EPG5: variants seen among roughly 807,000 people sequenced by gnomAD.
The protein encoded by EPG5 is ectopic P granules protein 5 homolog.
In EPG5, 159 loss-of-function variants were observed where a neutral mutation model predicts 302.7. The observed-to-expected ratio is 0.53, with a 90% CI of 0.46 to 0.60. EPG5 has a LOEUF of 0.60. Ranked by LOEUF, EPG5 falls within the 20% of genes least tolerant of loss-of-function variation. The pLI is 0.00. For missense variants in EPG5, 2,896 were observed against 3,092.4 expected (o/e 0.94, Z 1.51); for synonymous variants, 1,158 against 1,136.8 (o/e 1.02, Z -0.37).
chr18:45,946,603 C>T, intron 7 of EPG5, 60 bp downstream of exon 7: 1 of 1,276,740 alleles, frequency 7.8e-7, no homozygotes, highest in South Asian at 1.2e-5. Context: ...TAGAACAATA[C>T]TTGGTGCATA....
At chr18:45,857,798 G>A (rs1339007334) in intron 42 of EPG5, 55 bp downstream of exon 42, 36 of 1,440,760 alleles carry the variant, frequency 2.5e-5, no homozygotes, top group Non-Finnish European at 3.5e-5. Flanking sequence ...CTGTAAGTAG[G>A]TACAGATGTC....
chr18:45,811,926 G>T, the EPG5 span, among the ~76,000 whole-genome samples: 1 of 152,072 alleles, frequency 6.6e-6, no homozygotes, highest in South Asian at 2.1e-4. Flanking sequence ...GGGCAATCAG[G>T]CAGGAGAAAG....
chr18:45,922,281 T>A, intron 16 of EPG5, 60 bp downstream of exon 16: 2 of 1,571,680 alleles, frequency 1.3e-6, no homozygotes, highest in Non-Finnish European at 1.7e-6. Flanking sequence ...ATATGAAACA[T>A]AAAATTCTAG....
rs72918350 is a variant in EPG5 at position 45,916,543 on chromosome 18, G to A, written c.3279C>T (p.Ser1093=). The A allele has an allele frequency of 0.012, 19,434 of 1,610,766 alleles. 147 individuals carry two copies. The highest frequency in any genetic ancestry group is 0.014 in the Non-Finnish European group (16,877 of 1,177,226). Residue 1093 remains serine (S), a synonymous_variant, in exon 18 of 44, where the codon AGC becomes AGT. Coordinates refer to ENST00000282041, the MANE Select transcript of EPG5 (RefSeq NM_020964.3). ...SHLLLFLHLD[S]GVPQGVTQQV... ...GTTGTGTGACACCCTGAGGGACACC[G>A]CTGTCCAAGTGTAGGAACAAGAGGA...
Position 45,882,401 on chromosome 18 carries a change from A to C in EPG5, c.5391T>G (p.Thr1797=), listed in dbSNP as rs781348135. 6.2e-7 allele frequency: 1 copy of C among 1,614,258 alleles called. No homozygotes were observed. The highest frequency in any genetic ancestry group is 1.1e-5 in the South Asian group (1 of 91,090). ...RLLESIHLAL[T]AWGLEPDEDI... ...CCTCATCTGGTTCAAGGCCCCAGGCAGTAAGTGCCAAGTGAATGGACTCCA... is the reference window on the plus strand; with the variant it reads ...CCTCATCTGGTTCAAGGCCCCAGGCCGTAAGTGCCAAGTGAATGGACTCCA... The change falls in exon 31 of 44, where the codon ACT becomes ACG. Residue 1797 remains threonine, a synonymous_variant. Transcript: ENST00000282041.
rs763351795 is a variant in EPG5 at position 45,889,825 on chromosome 18, G to C, written c.4925C>G (p.Ala1642Gly). 6.2e-7 allele frequency: 1 copy of C among 1,608,632 alleles called. No homozygotes were observed. The highest frequency in any genetic ancestry group is 8.5e-7 in the Non-Finnish European group (1 of 1,178,086). The change falls in exon 28 of 44, where the codon GCT becomes GGT. Residue 1642 changes from alanine (A) to glycine (G), a missense_variant. Around this residue, in one of 5 missense-constraint regions of EPG5, gnomAD observed 790 missense variants for 798.0 expected, o/e 0.99. Coordinates refer to ENST00000282041, the MANE Select transcript of EPG5 (RefSeq NM_020964.3). ...AKPPSLNIVE[A>G]AVHAENLITA... Reference sequence around the variant, plus strand: ...GATCAAGTTTTCTGCATGTACAGCAGCTTCCACAATATTAAGTGATGGTGG... The same window carrying C: ...GATCAAGTTTTCTGCATGTACAGCACCTTCCACAATATTAAGTGATGGTGG...
chr18:45,953,224 T>A, intron 2 of EPG5: 1 of 896,216 alleles, frequency 1.1e-6, no homozygotes, highest in Non-Finnish European at 1.3e-6. Flanking sequence ...ATAGAACTTG[T>A]CCCTAAGACT....
intron 13 of EPG5, among the ~76,000 whole-genome samples, chr18:45,926,148 T>C (rs1260543873): frequency 6.6e-6 from 1 of 152,220 alleles, no homozygotes; most frequent in Non-Finnish European, 1.5e-5. Context: ...AATATTCAAA[T>C]TGGTATGCTT....
chr18:45,880,643 G>A (rs1204078527), intron 31 of EPG5, among the ~76,000 whole-genome samples: 1 of 152,148 alleles, frequency 6.6e-6, no homozygotes, highest in East Asian at 1.9e-4. Flanking sequence ...TCTCCAGAAG[G>A]AGTCTCCTAC....
At chr18:45,879,993 A>C in intron 32 of EPG5, 82 bp downstream of exon 32, 10 of 1,433,628 alleles carry the variant, frequency 7.0e-6, no homozygotes, top group Non-Finnish European at 8.4e-6. Flanking sequence ...ATAATGCACA[A>C]GTTTTCCAAC....
the EPG5 span, among the ~76,000 whole-genome samples, chr18:45,834,040 A>G: frequency 6.6e-6 from 1 of 152,152 alleles, no homozygotes; most frequent in South Asian, 2.1e-4. Context: ...GGCAACCTCT[A>G]TGCTGATTGA....
the EPG5 span, among the ~76,000 whole-genome samples, chr18:45,811,291 A>G: frequency 1.3e-5 from 2 of 152,158 alleles, no homozygotes; most frequent in African/African-American, 4.8e-5. Context: ...AAGCTCCTAG[A>G]ACTGATAAAA....
chr18:45,886,056 A>C (rs2049210176), intron 29 of EPG5, among the ~76,000 whole-genome samples: 1 of 152,238 alleles, frequency 6.6e-6, no homozygotes, highest in Non-Finnish European at 1.5e-5. Context: ...TATGGTATGA[A>C]GAATAACAAA....
chr18:45,925,733 C>T lies in EPG5; in HGVS notation c.2718+5G>A. On this transcript the variant is annotated splice_donor_5th_base_variant and intron_variant, in intron 14 of 43. Coordinates refer to ENST00000282041, the MANE Select transcript of EPG5 (RefSeq NM_020964.3). ...CAGTCTCCAGGGAATGGTTTGAACA[C>T]ATACCTGTTTAGCAAATCCCCAATT... 1 of 1,522,754 alleles carries T rather than the reference C, an allele frequency of 6.6e-7. No homozygotes were observed. Among genetic ancestry groups the T allele is most frequent in the Non-Finnish European group, 8.8e-7 (1 of 1,140,378 alleles). 94.3% of individuals were successfully genotyped at this position (1,522,754 alleles called of 1,614,324 possible).
the EPG5 span, among the ~76,000 whole-genome samples, chr18:45,802,793 G>A: frequency 1.3e-5 from 2 of 152,228 alleles, no homozygotes; most frequent in Non-Finnish European, 2.9e-5. Flanking sequence ...GTAAATAAAA[G>A]TGAACAGAAA....
intron 1 of EPG5, among the ~76,000 whole-genome samples, chr18:45,962,371 GC>G (rs752896047): frequency 4.0e-4 from 61 of 152,250 alleles, no homozygotes; most frequent in Admixed American, 6.5e-4. Context: ...TAAGTTGTTG[GC>G]ATTCAGAATT....
the EPG5 span, chr18:45,837,224 A>C: frequency 7.1e-7 from 1 of 1,398,806 alleles, no homozygotes; most frequent in Non-Finnish European, 9.4e-7. Flanking sequence ...AGGGGCCTGC[A>C]GGTGAATTAG....
Position 45,943,318 on chromosome 18 carries a change from G to A in EPG5, c.1793-7C>T, listed in dbSNP as rs753222890. 1.2e-6 allele frequency: 2 copies of A among 1,611,918 alleles called. No homozygotes were observed. Among genetic ancestry groups the A allele is most frequent in the Non-Finnish European group, 1.7e-6 (2 of 1,178,338 alleles). On this transcript the variant is annotated splice_region_variant and splice_polypyrimidine_tract_variant and intron_variant, in intron 8 of 43. Coordinates refer to ENST00000282041, the MANE Select transcript of EPG5 (RefSeq NM_020964.3). ...GTTTCAGGTAAATAATCACCTAGAA[G>A]TTAATCAGATAAAAGAAAAAAATCA...
At chr18:45,827,767 C>A in the EPG5 span, among the ~76,000 whole-genome samples, 1 of 152,174 alleles carries the variant, frequency 6.6e-6, no homozygotes, top group African/African-American at 2.4e-5. Flanking sequence ...TTCAAGAGAG[C>A]CGAGGCTTTG....
Sources: gnomAD v4.1 joint callset for allele counts (sites outside exome capture counted in the v4.1 genomes callset) on GRCh38, gnomAD v4.1.1 for gene constraint, gnomAD v4.1.1 regional missense constraint, MANE v1.5 for transcripts, NCBI Gene and HGNC (gene_info 2026-07-23, HGNC 2026-07-21) for gene names.